Variants in PXDNL observed in about 807,000 individuals in gnomAD.
PXDNL encodes the protein probable oxidoreductase PXDNL.
A neutral mutation model predicts 150.8 loss-of-function variants in PXDNL; 145 were observed. The observed-to-expected ratio is 0.96, with a 90% CI of 0.84 to 1.10. PXDNL has a LOEUF of 1.10. Ranked by LOEUF, PXDNL falls within the 50% of genes least tolerant of loss-of-function variation. PXDNL has a pLI of 0.00. For synonymous variants in PXDNL, 757 were observed against 725.7 expected (o/e 1.04, Z -0.69); for missense variants, 2,087 against 1,873.9 (o/e 1.11, Z -2.10).
chr8:51,746,956 C>T (rs936768108), intron 1 of PXDNL, among the ~76,000 whole-genome samples: 3 of 152,148 alleles, frequency 2.0e-5, no homozygotes, highest in African/African-American at 7.2e-5. Flanking sequence ...CTCCTGGGCT[C>T]AAGGGACCCT....
chr8:51,407,734 T>A (rs1405662781), intron 17 of PXDNL, among the ~76,000 whole-genome samples: 1 of 152,210 alleles, frequency 6.6e-6, no homozygotes, highest in African/African-American at 2.4e-5. Flanking sequence ...TTATATCGAA[T>A]GTATGGCCTC....
At chr8:51,621,435 AGTGT>A (rs1028083317) in intron 2 of PXDNL, among the ~76,000 whole-genome samples, 3 of 136,814 alleles carry the variant, frequency 2.2e-5, no homozygotes, top group Non-Finnish European at 3.1e-5. Context: ...CAAAAGAATG[AGTGT>A]GTGTGTGTCT....
intron 1 of PXDNL, among the ~76,000 whole-genome samples, chr8:51,765,631 A>G (rs1033633305): frequency 2.6e-5 from 4 of 152,124 alleles, no homozygotes; most frequent in African/African-American, 9.7e-5. Context: ...ATCCATTTGT[A>G]TTACTAATTA....
chr8:51,423,698 G>A lies in PXDNL; in HGVS notation c.1672C>T (p.His558Tyr). 1 of 1,613,686 alleles carries A rather than the reference G, an allele frequency of 6.2e-7. No individual in the cohort carries two copies. The highest frequency in any genetic ancestry group is 1.3e-5 in the African/African-American group (1 of 75,014). The change falls in exon 14 of 23, where the codon CAT becomes TAT. Residue 558 changes from histidine (H) to tyrosine (Y), a missense_variant. By Grantham distance (83) the His-to-Tyr change is moderately conservative (BLOSUM62 2). Coordinates refer to ENST00000356297, the MANE Select transcript of PXDNL (RefSeq NM_144651.5). ...GTCAGCGTGCCTTCATCATCCACAT[G>A]GAATTTACCACTCTCAGTAATCTGC... ...GVQITESGKF[H>Y]VDDEGTLTIY...
intron 21 of PXDNL, among the ~76,000 whole-genome samples, chr8:51,323,836 A>C (rs1021384999): frequency 1.3e-5 from 2 of 151,984 alleles, no homozygotes; most frequent in African/African-American, 4.8e-5. Context: ...TAATCATTTG[A>C]ACCCAAGAGG....
intron 6 of PXDNL, among the ~76,000 whole-genome samples, chr8:51,481,273 T>G (rs1001236837): frequency 6.6e-6 from 1 of 152,190 alleles, no homozygotes; most frequent in African/African-American, 2.4e-5. Flanking sequence ...TGAAGGTCAC[T>G]CTTCCTATGC....
At chr8:51,673,532 T>C (rs1288502713) in intron 1 of PXDNL, among the ~76,000 whole-genome samples, 2 of 152,188 alleles carry the variant, frequency 1.3e-5, no homozygotes, top group Non-Finnish European at 1.5e-5. Context: ...TTCAGCTGAA[T>C]AAACATTTTA....
At chr8:51,431,222 G>T (rs1443151308) in intron 12 of PXDNL, among the ~76,000 whole-genome samples, 1 of 152,098 alleles carries the variant, frequency 6.6e-6, no homozygotes, top group Non-Finnish European at 1.5e-5. Context: ...TAATGCTCAT[G>T]CTCTTCCATC....
chr8:51,433,443 A>G (rs1809308973), intron 12 of PXDNL, among the ~76,000 whole-genome samples: 1 of 152,064 alleles, frequency 6.6e-6, no homozygotes, highest in Non-Finnish European at 1.5e-5. Flanking sequence ...TAGCAATGTC[A>G]GTGGAGTCAG....
In PXDNL at chr8:51,374,617, C is replaced by T. The variant is rs751820219; in HGVS notation, c.3672G>A (p.Gln1224=). 2.5e-6 allele frequency: 4 copies of T among 1,613,772 alleles called. No homozygotes were observed. The highest frequency in any genetic ancestry group is 2.7e-5 in the African/African-American group (2 of 74,898). The change falls in exon 18 of 23, where the codon CAG becomes CAA. Residue 1224 remains glutamine (Q), a synonymous_variant. Coordinates refer to ENST00000356297, the MANE Select transcript of PXDNL (RefSeq NM_144651.5). The part of the protein sequence containing the change: ...TLMCLFVTQF[Q]RLRDGDRFWY... ...TTCACCTATCTCCATCTCTTAGCCGCTGAAACTGGGTAACAAACAGGCACA... is the reference window on the plus strand; with the variant it reads ...TTCACCTATCTCCATCTCTTAGCCGTTGAAACTGGGTAACAAACAGGCACA...
intron 20 of PXDNL, among the ~76,000 whole-genome samples, chr8:51,344,227 C>A (rs1009811052): frequency 1.3e-5 from 2 of 152,006 alleles, no homozygotes; most frequent in African/African-American, 4.8e-5. Flanking sequence ...GCCTCAGCCT[C>A]CCTAGTAGCA....
intron 2 of PXDNL, among the ~76,000 whole-genome samples, chr8:51,621,619 G>T (rs6995793): frequency 0.023 from 3,481 of 152,162 alleles, 118 homozygotes; most frequent in African/African-American, 0.079. Flanking sequence ...TATCATGCCT[G>T]TGACTATGAT....
At chr8:51,426,907 A>AGG in intron 12 of PXDNL, 149 bp from the exon 13 acceptor site, 2 of 574,216 alleles carry the variant, frequency 3.5e-6, no homozygotes. Flanking sequence ...TAGGGGAATA[A>AGG]CAAGCATCAC....
intron 1 of PXDNL, among the ~76,000 whole-genome samples, chr8:51,761,557 AT>A (rs1190251046): frequency 6.6e-6 from 1 of 152,230 alleles, no homozygotes; most frequent in African/African-American, 2.4e-5. Context: ...ATATGCATAT[AT>A]AACGTATATT....
chr8:51,455,146 A>AAAAGAG (rs1563419775), intron 9 of PXDNL, among the ~76,000 whole-genome samples: 1 of 149,058 alleles, frequency 6.7e-6, no homozygotes, highest in African/African-American at 2.5e-5. Context: ...GGTAAGGGAA[A>AAAAGAG]GTATAGGGAA....
At chr8:51,806,479 C>A (rs1318405726) in intron 1 of PXDNL, among the ~76,000 whole-genome samples, 1 of 152,122 alleles carries the variant, frequency 6.6e-6, no homozygotes, top group Non-Finnish European at 1.5e-5. Flanking sequence ...TTGTTATTGT[C>A]ATCTTTCATG....
At chr8:51,716,778 C>T (rs1816623614) in intron 1 of PXDNL, among the ~76,000 whole-genome samples, 1 of 152,158 alleles carries the variant, frequency 6.6e-6, no homozygotes, top group Admixed American at 6.5e-5. Flanking sequence ...ACGATTGCAC[C>T]CCTAGCTCCT....
chr8:51,529,244 C>T (rs151309073), intron 4 of PXDNL, among the ~76,000 whole-genome samples: 2 of 152,158 alleles, frequency 1.3e-5, no homozygotes, highest in Non-Finnish European at 2.9e-5. Context: ...TGTTACCCAT[C>T]GTCACTCCCT....
At chr8:51,570,814 A>G (rs182296680) in intron 3 of PXDNL, among the ~76,000 whole-genome samples, 3,656 of 152,004 alleles carry the variant, frequency 0.024, 153 homozygotes, top group African/African-American at 0.083. Context: ...TGAGAAATAT[A>G]CACAAAATTC....
Sources: allele counts gnomAD v4.1 joint callset (sites outside exome capture counted in the v4.1 genomes callset), GRCh38; gene constraint gnomAD v4.1.1; transcripts MANE v1.5; gene names NCBI Gene and HGNC (gene_info 2026-07-23, HGNC 2026-07-21).